FER1L6: variants seen among roughly 807,000 people sequenced by gnomAD.
FER1L6 encodes fer-1-like protein 6.
Under a neutral mutation model 219.2 loss-of-function variants are expected in FER1L6, and 177 were observed. The observed-to-expected ratio is 0.81, with a 90% CI of 0.71 to 0.91. The LOEUF (loss-of-function observed/expected upper bound fraction) is 0.91, where lower values mean the gene tolerates loss of function less well. Ranked by LOEUF, FER1L6 falls within the 40% of genes least tolerant of loss-of-function variation. The pLI is 0.00. For synonymous variants in FER1L6, 768 were observed against 824.3 expected, an observed-to-expected ratio of 0.93 and a Z score of 1.17; for missense variants, 2,153 against 2,259.9, an observed-to-expected ratio of 0.95 and a Z score of 0.96.
At chr8:123,975,805 G>A in intron 8 of FER1L6, 93 bp from the exon 9 acceptor site, 1 of 983,382 alleles carries the variant, frequency 1.0e-6, no homozygotes. Context: ...TCTTATATTG[G>A]GATCTTTCTT....
intron 1 of FER1L6, among the ~76,000 whole-genome samples, chr8:123,898,845 A>ATGTG (rs1426902420): frequency 1.4e-4 from 14 of 99,596 alleles, no homozygotes; most frequent in African/African-American, 4.6e-4. Context: ...ATACATACAT[A>ATGTG]TATACACACA....
At chr8:123,911,337 T>TTAA (rs1050217047) in intron 1 of FER1L6, among the ~76,000 whole-genome samples, 2 of 152,154 alleles carry the variant, frequency 1.3e-5, no homozygotes, top group Non-Finnish European at 2.9e-5. Flanking sequence ...GGTCATAGTA[T>TTAA]TAATAATAAT....
At position 124,112,931 on chromosome 8, in the gene FER1L6, A is replaced by C. The variant is rs186055971; in HGVS notation, c.5290-5913A>C. On this transcript the variant is annotated intron_variant, in intron 39 of 40. Coordinates refer to ENST00000522917, the MANE Select transcript of FER1L6 (RefSeq NM_001039112.2). ...AATTTGAAAAGCACAAAAAGGTAGA[A>C]AAAATAGCACACATATGTATACCAT... 4.6e-3 allele frequency among the ~76,000 whole-genome samples: 703 copies of C among 152,298 alleles called. 4 individuals are homozygous for C. The highest frequency in any genetic ancestry group is 0.016 in the African/African-American group (658 of 41,564).
At chr8:123,942,943 T>C (rs1814322253) in intron 1 of FER1L6, among the ~76,000 whole-genome samples, 2 of 152,334 alleles carry the variant, frequency 1.3e-5, no homozygotes, top group African/African-American at 4.8e-5. Context: ...AGCCTCAGAA[T>C]ACAGGTCCCA....
At chr8:123,896,386 C>A (rs941398339) in intron 1 of FER1L6, among the ~76,000 whole-genome samples, 16 of 152,148 alleles carry the variant, frequency 1.1e-4, no homozygotes, top group African/African-American at 3.9e-4. Flanking sequence ...TGCAACACAG[C>A]AAAATAAGGC....
At chr8:123,961,042 A>T (rs1815251154) in intron 2 of FER1L6, among the ~76,000 whole-genome samples, 1 of 152,126 alleles carries the variant, frequency 6.6e-6, no homozygotes, top group Non-Finnish European at 1.5e-5. Flanking sequence ...TGAGCCCAGG[A>T]GTTAGAGACA....
At chr8:123,938,578 A>T (rs2129976019) in intron 1 of FER1L6, among the ~76,000 whole-genome samples, 1 of 126,002 alleles carries the variant, frequency 7.9e-6, no homozygotes, top group South Asian at 2.4e-4. Flanking sequence ...ACAGATCCTC[A>T]TTCTGTCACC....
chr8:124,097,603 T>A, intron 36 of FER1L6, among the ~76,000 whole-genome samples, 182 bp from the exon 37 acceptor site: 1 of 152,302 alleles, frequency 6.6e-6, no homozygotes, highest in East Asian at 1.9e-4. Flanking sequence ...ATGTCCTTGA[T>A]GGTTCTAAGG....
At chr8:123,920,610 A>G (rs1813331573) in intron 1 of FER1L6, among the ~76,000 whole-genome samples, 1 of 152,190 alleles carries the variant, frequency 6.6e-6, no homozygotes, top group Non-Finnish European at 1.5e-5. Context: ...ATTCCAGCTT[A>G]GTATAGGAGG....
intron 1 of FER1L6, among the ~76,000 whole-genome samples, chr8:123,880,420 T>G (rs1375002955): frequency 6.6e-6 from 1 of 152,224 alleles, no homozygotes; most frequent in Non-Finnish European, 1.5e-5. Flanking sequence ...CAGTTGAGGT[T>G]AATATCTTGA....
At chr8:124,038,066 G>A (rs1189866690) in intron 19 of FER1L6, among the ~76,000 whole-genome samples, 8 of 152,122 alleles carry the variant, frequency 5.3e-5, no homozygotes, top group Non-Finnish European at 1.2e-4. Context: ...CGATTGCCTC[G>A]TTCAGGCCTC....
chr8:124,118,063 G>A (rs1024233469), intron 39 of FER1L6, among the ~76,000 whole-genome samples: 2 of 152,142 alleles, frequency 1.3e-5, no homozygotes, highest in African/African-American at 4.8e-5. Flanking sequence ...GGAGCTCCAG[G>A]AGATCAGAAA....
Position 124,052,847 on chromosome 8 carries a change from C to T in FER1L6, c.2874+3091C>T, listed in dbSNP as rs1481758877. Among the ~76,000 whole-genome samples the T allele has an allele frequency of 3.3e-5, 5 of 152,224 alleles. No homozygotes were observed. In the East Asian group the frequency reaches 9.7e-4, roughly 29 times the overall value. The stretch of plus-strand genomic sequence containing the variant: ...AGCATCACATTGCATATTCCAATGA[C>T]ACTATTTTGTTTCATTGGTTTTCTT... On this transcript the variant is annotated intron_variant, in intron 22 of 40. Transcript: ENST00000522917.
rs369624500 is a variant in FER1L6 at position 124,060,625 on chromosome 8, C to G, written c.3063C>G (p.Cys1021Trp). Reference sequence around the variant, plus strand: ...ATCGGCCTCAGGCTCTCATTGAGTGCGGAGGACAAGGTGTGAAGTCCTGCG... The same window carrying G: ...ATCGGCCTCAGGCTCTCATTGAGTGGGGAGGACAAGGTGTGAAGTCCTGCG... The part of the protein sequence containing the change: ...SVDRPQALIE[C>W]GGQGVKSCVI... Residue 1021 changes from cysteine to tryptophan, a missense_variant, in exon 24 of 41, where the codon TGC (cysteine) becomes TGG (tryptophan). Transcript: ENST00000522917. The G allele has an allele frequency of 1.9e-6, 3 of 1,614,032 alleles. No individual in the cohort carries two copies. Among genetic ancestry groups the G allele is most frequent in the Non-Finnish European group, 2.5e-6 (3 of 1,179,986 alleles).
At chr8:124,089,327 T>C (rs1002925720) in intron 33 of FER1L6, among the ~76,000 whole-genome samples, 2 of 152,162 alleles carry the variant, frequency 1.3e-5, no homozygotes, top group Non-Finnish European at 2.9e-5. Flanking sequence ...ATTATTGTGT[T>C]CTTCCTTCCC....
At chr8:123,991,183 G>T (rs1019598001) in intron 12 of FER1L6, among the ~76,000 whole-genome samples, 16 of 151,992 alleles carry the variant, frequency 1.1e-4, no homozygotes, top group African/African-American at 3.9e-4. Flanking sequence ...GGATTGCTTT[G>T]GCTATTTGTG....
At chr8:124,069,218 G>C (rs1166616192) in intron 28 of FER1L6, 142 bp from the exon 29 acceptor site, 1 of 616,606 alleles carries the variant, frequency 1.6e-6, no homozygotes, top group Non-Finnish European at 2.8e-6. Context: ...TTACAGGCGT[G>C]AGCCACCGTG....
chr8:124,042,134 T>C (rs909994227), intron 20 of FER1L6, among the ~76,000 whole-genome samples: 4 of 152,342 alleles, frequency 2.6e-5, no homozygotes, highest in Non-Finnish European at 4.4e-5. Flanking sequence ...AAGTACAGGA[T>C]TTGGACTAAA....
In FER1L6 at chr8:123,918,308, CAA is replaced by C. The variant is rs34073010; in HGVS notation, c.-7-37668_-7-37667del. ...TGGGTGACAGAGAGACAACCTGTCT[CAA>C]AAAAAAAAAAAAAAATTCAACAAAT... On this transcript the variant is annotated intron_variant, in intron 1 of 40. Transcript: ENST00000522917. Among the ~76,000 whole-genome samples the C allele has an allele frequency of 1.7e-3, 212 of 123,700 alleles. 2 individuals are homozygous for C. The highest frequency in any genetic ancestry group is 1.6e-3 in the East Asian group (7 of 4,386). 81.2% of individuals were successfully genotyped at this position (123,700 alleles called of 152,430 possible). A position where few individuals can be genotyped will look rare whatever the true frequency, so the allele number is the denominator to read the frequency against.
Sources: gnomAD v4.1 joint callset for allele counts (sites outside exome capture counted in the v4.1 genomes callset) on GRCh38, gnomAD v4.1.1 for gene constraint, MANE v1.5 for transcripts, NCBI Gene and HGNC (gene_info 2026-07-23, HGNC 2026-07-21) for gene names.